The following CEPT1 variants were observed in gnomAD, a reference collection of about 807,000 sequenced individuals.
CEPT1 encodes choline/ethanolamine phosphotransferase 1.
CEPT1 carries 7 observed loss-of-function variants against 42.6 expected under a neutral mutation model. The observed-to-expected ratio is 0.16, with a 90% CI of 0.09 to 0.31. CEPT1 has a LOEUF of 0.31. Ranked by LOEUF, CEPT1 falls within the 10% of genes least tolerant of loss-of-function variation. CEPT1 has a pLI of 1.00. For missense variants in CEPT1, 306 were observed against 502.1 expected (o/e 0.61, Z 3.73); for synonymous variants, 171 against 171.9 (o/e 0.99, Z 0.04).
At chr1:111,162,579 G>A (rs1655930535) in intron 4 of CEPT1, among the ~76,000 whole-genome samples, 1 of 152,182 alleles carries the variant, frequency 6.6e-6, no homozygotes. Context: ...AATGAGAACA[G>A]GAGAAAACTT....
At position 111,183,075 on chromosome 1, in the gene CEPT1, A is replaced by G. The variant is rs1314503118; in HGVS notation, c.1005+118A>G. The G allele has an allele frequency of 2.4e-5, 24 of 984,472 alleles. No individual in the cohort carries two copies. The Admixed American group carries it at 6.1e-4, about 25-fold the overall frequency. The allele number at this position is 984,472 out of a possible 1,614,324, so 61.0% of individuals were successfully genotyped here. A position where few individuals can be genotyped will look rare whatever the true frequency, so the allele number is the denominator to read the frequency against. Reference sequence around the variant, plus strand: ...TCCTAGAGTTTGCCCTCTTCTAATCAGAATCTCTTGATATCAACATGGGAA... The same window carrying G: ...TCCTAGAGTTTGCCCTCTTCTAATCGGAATCTCTTGATATCAACATGGGAA... On this transcript the variant is annotated intron_variant, in intron 7 of 8. Coordinates refer to ENST00000357172, the MANE Select transcript of CEPT1 (RefSeq NM_006090.5).
chr1:111,157,623 A>C (rs74737703), intron 2 of CEPT1, among the ~76,000 whole-genome samples: 3,533 of 152,298 alleles, frequency 0.023, 138 homozygotes, highest in African/African-American at 0.08. Context: ...TACAGGATTA[A>C]TTACTCAGTT....
rs1428195923 is a variant in CEPT1 at position 111,151,308 on chromosome 1, G to C, written c.339+3255G>C. Among the ~76,000 whole-genome samples the C allele has an allele frequency of 2.0e-5, 3 of 152,146 alleles. No individual in the cohort carries two copies. In the East Asian group the frequency reaches 5.8e-4, roughly 29 times the overall value. ...CCAGCTAATATTTGTATTTTTAGCAGAGACAGGGTTTCAACATGTTGGCCA... is the reference window on the plus strand; with the variant it reads ...CCAGCTAATATTTGTATTTTTAGCACAGACAGGGTTTCAACATGTTGGCCA... On this transcript the variant is annotated intron_variant, in intron 2 of 8. Coordinates refer to ENST00000357172, the MANE Select transcript of CEPT1 (RefSeq NM_006090.5).
At chr1:111,140,765 C>T (rs1369241780) in intron 1 of CEPT1, among the ~76,000 whole-genome samples, 1 of 152,216 alleles carries the variant, frequency 6.6e-6, no homozygotes. Context: ...GGGTTTGTCT[C>T]CCCTTAGGAA....
intron 2 of CEPT1, among the ~76,000 whole-genome samples, chr1:111,150,987 A>T (rs952060932): frequency 6.6e-6 from 1 of 152,220 alleles, no homozygotes. Context: ...TCCATCCACA[A>T]AAAGAGTTGG....
At chr1:111,161,587 C>T (rs1219483369) in intron 4 of CEPT1, among the ~76,000 whole-genome samples, 6 of 152,112 alleles carry the variant, frequency 3.9e-5, no homozygotes, top group Admixed American at 3.9e-4. Flanking sequence ...TTTTTCCCCA[C>T]CATTATTTAC....
At chr1:111,171,176 C>T (rs1422914781) in intron 4 of CEPT1, among the ~76,000 whole-genome samples, 2 of 152,124 alleles carry the variant, frequency 1.3e-5, no homozygotes, top group Admixed American at 6.5e-5. Flanking sequence ...ATTTGTCAGG[C>T]GTCTCTCTGA....
Position 111,148,002 on chromosome 1 carries a change from CATCTGTACAACT to C in CEPT1, c.291_302del (p.Cys98_Ile101del). ...TCACCATCATTGGACTGTCAATAAA[CATCTGTACAACT>C]ATTTTATTAGTCTTCTACTGCCCTA... On this transcript the variant is annotated inframe_deletion, in exon 2 of 9. Coordinates refer to ENST00000357172, the MANE Select transcript of CEPT1 (RefSeq NM_006090.5). 6.2e-7 allele frequency: 1 copy of C among 1,614,158 alleles called. No individual in the cohort carries two copies. Among genetic ancestry groups the C allele is most frequent in the Non-Finnish European group, 8.5e-7 (1 of 1,180,002 alleles).
chr1:111,156,955 C>A (rs1223613902), intron 2 of CEPT1, among the ~76,000 whole-genome samples: 1 of 152,146 alleles, frequency 6.6e-6, no homozygotes, highest in Non-Finnish European at 1.5e-5. Context: ...TATGTCAGTT[C>A]TTTCCCATAC....
chr1:111,168,796 A>G (rs1404683528), intron 4 of CEPT1, among the ~76,000 whole-genome samples: 1 of 152,230 alleles, frequency 6.6e-6, no homozygotes, highest in Non-Finnish European at 1.5e-5. Flanking sequence ...ATTCAGTGGC[A>G]GTAATGATGG....
At chr1:111,171,661 G>A (rs2101363460) in intron 4 of CEPT1, among the ~76,000 whole-genome samples, 1 of 152,274 alleles carries the variant, frequency 6.6e-6, no homozygotes, top group Admixed American at 6.5e-5. Flanking sequence ...ATTCATTATG[G>A]GTTATCCCCA....
intron 2 of CEPT1, among the ~76,000 whole-genome samples, chr1:111,152,536 C>A (rs1318167958): frequency 1.3e-5 from 2 of 152,086 alleles, no homozygotes; most frequent in South Asian, 2.1e-4. Context: ...ACACAGTACA[C>A]CATTTAGAAA....
chr1:111,164,613 ATTGTTTTGTTTTGTT>A (rs550248609), intron 4 of CEPT1, among the ~76,000 whole-genome samples: 1 of 150,192 alleles, frequency 6.7e-6, no homozygotes, highest in Non-Finnish European at 1.5e-5. Context: ...ATTTTTTTGG[ATTGTTTTGTTTTGTT>A]TTGTTTTGTT....
At chr1:111,166,257 C>T (rs1367535414) in intron 4 of CEPT1, among the ~76,000 whole-genome samples, 1 of 152,194 alleles carries the variant, frequency 6.6e-6, no homozygotes, top group Admixed American at 6.5e-5. Context: ...GGACATCTAT[C>T]TATCTCATTA....
Position 111,180,644 on chromosome 1 carries a change from G to T in CEPT1, c.715-1543G>T, listed in dbSNP as rs961187393. The T allele has an allele frequency of 5.3e-5, 8 of 152,254 alleles. No homozygotes were observed. In the South Asian group the frequency reaches 6.2e-4, roughly 12 times the overall value. 9.4% of individuals were successfully genotyped at this position (152,254 alleles called of 1,614,324 possible). A position where few individuals can be genotyped will look rare whatever the true frequency, so the allele number is the denominator to read the frequency against. ...CAGTACAATTTAAACTTGAACATTT[G>T]ATTTCAATTTTTTTTAGAGCTGCAT... On this transcript the variant is annotated intron_variant, in intron 5 of 8. Transcript: ENST00000357172.
chr1:111,147,536 T>C (rs1655035472), intron 1 of CEPT1, 106 bp from the exon 2 acceptor site: 1 of 506,058 alleles, frequency 2.0e-6, no homozygotes, highest in Non-Finnish European at 3.4e-6. Context: ...CTTACTACTT[T>C]ATTGACAATT....
chr1:111,155,877 A>ATGTG (rs1262567719), intron 2 of CEPT1, among the ~76,000 whole-genome samples: 2 of 151,950 alleles, frequency 1.3e-5, no homozygotes, highest in Non-Finnish European at 2.9e-5. Context: ...ATATGTGTAT[A>ATGTG]TGTGTGTGTG....
intron 2 of CEPT1, among the ~76,000 whole-genome samples, chr1:111,149,242 T>C (rs1053692806): frequency 6.6e-6 from 1 of 151,508 alleles, no homozygotes; most frequent in Admixed American, 6.6e-5. Context: ...ACAGATTTTA[T>C]AGATGTAAAA....
At chr1:111,183,319 A>G in intron 7 of CEPT1, 143 bp from the exon 8 acceptor site, 1 of 887,540 alleles carries the variant, frequency 1.1e-6, no homozygotes, top group Non-Finnish European at 1.7e-6. Context: ...CGCATTTCAT[A>G]TTGTTGGGTT....
Sources: allele counts gnomAD v4.1 joint callset (sites outside exome capture counted in the v4.1 genomes callset), GRCh38; gene constraint gnomAD v4.1.1; transcripts MANE v1.5; gene names NCBI Gene and HGNC (gene_info 2026-07-23, HGNC 2026-07-21).